The following P2RX4 variants were observed in gnomAD, a reference collection of about 807,000 sequenced individuals.
P2RX4 encodes the protein purinergic receptor P2X 4, also known as P2X purinoceptor 4.
In P2RX4, 37 loss-of-function variants were observed where a neutral mutation model predicts 48.0. That is an observed-to-expected ratio of 0.77 (90% CI 0.59 to 1.01). The LOEUF (loss-of-function observed/expected upper bound fraction) is 1.01. Among genes scored for constraint, P2RX4 ranks in the 50% least tolerant of loss-of-function variants. The pLI, the probability that P2RX4 is intolerant of heterozygous loss-of-function variation, is 0.00. For missense variants in P2RX4, 501 were observed against 521.4 expected (o/e 0.96, Z 0.38); for synonymous variants, 200 against 199.7 (o/e 1.00, Z -0.01).
chr12:121,223,002 G>T lies in P2RX4; in HGVS notation c.483G>T (p.Val161=). The T allele has an allele frequency of 6.2e-7, 1 of 1,613,718 alleles. No homozygotes were observed. The highest frequency in any genetic ancestry group is 8.5e-7 in the Non-Finnish European group (1 of 1,179,636). The change falls in exon 5 of 12, where the codon GTG becomes GTT. Residue 161 remains valine (V), a synonymous_variant. Transcript: ENST00000337233. ...ACGGGTCTGTCAAGACGTGTGAGGT[G>T]GCGGCCTGGTGCCCGGTGGAGGATG... is the stretch of plus-strand genomic sequence containing the variant. ...AFNGSVKTCE[V]AAWCPVEDDT... is the part of the protein sequence containing the mutation.
At position 121,228,621 on chromosome 12, in the gene P2RX4, G is replaced by A. The variant is rs572351698; in HGVS notation, c.605+8G>A. On this transcript the variant is annotated splice_region_variant and intron_variant, in intron 6 of 11. Transcript: ENST00000337233. ...CAAATTTAATTTCAGCAAGTAAGTG[G>A]TGGCCAGGTGTGTGAGTTCACCAGG... is the stretch of plus-strand genomic sequence containing the variant. The A allele has an allele frequency of 6.2e-7, 1 of 1,613,040 alleles. No individual in the cohort carries two copies. The highest frequency in any genetic ancestry group is 8.5e-7 in the Non-Finnish European group (1 of 1,179,420).
In P2RX4 at chr12:121,217,980, C is replaced by G. The variant is rs570325016; in HGVS notation, c.282+699C>G. Among the ~76,000 whole-genome samples, 4 of 152,272 alleles carry G rather than the reference C, an allele frequency of 2.6e-5. No homozygotes were observed. In the East Asian group the frequency reaches 7.7e-4, roughly 29 times the overall value. ...GTCCTGGTAACAGCTCTGCACCACACAGTCAAACCCGACATAGCCCTCCAG... is the reference window on the plus strand; with the variant it reads ...GTCCTGGTAACAGCTCTGCACCACAGAGTCAAACCCGACATAGCCCTCCAG... On this transcript the variant is annotated intron_variant, in intron 2 of 11. Transcript: ENST00000337233.
chr12:121,222,860 A>G, intron 4 of P2RX4, 87 bp from the exon 5 acceptor site: 1 of 1,411,416 alleles, frequency 7.1e-7, no homozygotes, highest in Non-Finnish European at 9.8e-7. Flanking sequence ...GGGAGGCTGG[A>G]TGGGGCTCTC....
intron 5 of P2RX4, among the ~76,000 whole-genome samples, chr12:121,224,833 C>T (rs952124659): frequency 4.0e-5 from 6 of 151,204 alleles, no homozygotes; most frequent in African/African-American, 1.5e-4. Flanking sequence ...TGAACCTCAT[C>T]CTGGGTGTGT....
chr12:121,210,385 G>A, intron 1 of P2RX4, 87 bp downstream of exon 1: 1 of 1,273,326 alleles, frequency 7.9e-7, no homozygotes, highest in Non-Finnish European at 1.0e-6. Flanking sequence ...CGGTCACCTG[G>A]GCGAGTCCGG....
chr12:121,233,124 G>GC (rs1175927530), intron 11 of P2RX4, 32 bp downstream of exon 11: 1 of 1,467,202 alleles, frequency 6.8e-7, no homozygotes, highest in South Asian at 1.2e-5. Flanking sequence ...GCAGGCACAG[G>GC]CCTCTCATCT....
At chr12:121,215,954 T>G (rs1471472769) in intron 1 of P2RX4, 53 of 152,158 alleles carry the variant, frequency 3.5e-4, no homozygotes, top group Admixed American at 3.5e-3. Context: ...AAAAGTTCCT[T>G]AAAGGGTAGA....
chr12:121,227,939 AAT>A, intron 5 of P2RX4, among the ~76,000 whole-genome samples: 1 of 151,500 alleles, frequency 6.6e-6, no homozygotes, highest in Non-Finnish European at 1.5e-5. Flanking sequence ...AAAAAAAAAA[AAT>A]TTCATTAGCC....
Position 121,221,942 on chromosome 12 carries a change from C to T in P2RX4, c.312C>T (p.Asn104=), listed in dbSNP as rs747450281. 25 of 1,614,100 alleles carry T rather than the reference C, an allele frequency of 1.5e-5. No individual in the cohort carries two copies. Among genetic ancestry groups the T allele is most frequent in the South Asian group, 1.1e-4 (10 of 91,086 alleles). The part of the protein sequence containing the change: ...QEENSLFVMT[N]VILTMNQTQG... ...AAAACTCCCTCTTCGTCATGACCAA[C>T]GTGATCCTCACCATGAACCAGACAC... The change falls in exon 3 of 12, where the codon AAC becomes AAT. Residue 104 remains asparagine, a synonymous_variant. Transcript: ENST00000337233.
In P2RX4 at chr12:121,228,520, C is replaced by A. The variant is rs774688884; in HGVS notation, c.525-13C>A. 6 of 1,584,736 alleles carry A rather than the reference C, an allele frequency of 3.8e-6. No homozygotes were observed. The East Asian group carries it at 1.3e-4, about 35-fold the overall frequency. ...TGTATTTTATTAACAGTAATGTTAT[C>A]ATTGTTTTTCAGACCTGCTTTTTTA... On this transcript the variant is annotated splice_polypyrimidine_tract_variant and intron_variant, in intron 5 of 11. Transcript: ENST00000337233.
Position 121,232,432 on chromosome 12 carries a change from A to T in P2RX4, c.903A>T (p.Arg301Ser). The T allele has an allele frequency of 6.2e-7, 1 of 1,613,610 alleles. No homozygotes were observed. Among genetic ancestry groups the T allele is most frequent in the South Asian group, 1.1e-5 (1 of 91,066 alleles). Residue 301 changes from arginine to serine, a missense_variant, in exon 9 of 12, where the codon AGA (arginine) becomes AGT (serine). Physicochemically the swap from Arg to Ser is moderately radical, Grantham distance 110. Around this residue, in one of 3 missense-constraint regions of P2RX4, gnomAD observed 197 missense variants for 219.5 expected, o/e 0.90. Coordinates refer to ENST00000337233, the MANE Select transcript of P2RX4 (RefSeq NM_002560.3). The surrounding 1 kb of genome is among the most constrained non-coding windows in gnomAD (Gnocchi z 4.3). ...CCCTCAGGTTTGCCAAGTACTACAG[A>T]GACCTGGCTGGCAACGAGCAGCGCA... ...GYNFRFAKYY[R>S]DLAGNEQRTL... is the part of the protein sequence containing the mutation.
At chr12:121,226,428 C>T (rs1432391898) in intron 5 of P2RX4, among the ~76,000 whole-genome samples, 1 of 151,752 alleles carries the variant, frequency 6.6e-6, no homozygotes, top group African/African-American at 2.4e-5. Flanking sequence ...CCTGTAATCC[C>T]ACTACTCAGG....
rs1312410146 is a variant in P2RX4 at position 121,213,449 on chromosome 12, A to C, written c.134+3151A>C. The C allele has an allele frequency of 5.9e-5, 9 of 152,304 alleles. No individual in the cohort carries two copies. The East Asian group carries it at 1.5e-3, about 26-fold the overall frequency. The allele number at this position is 152,304 out of a possible 1,614,324, so 9.4% of individuals were successfully genotyped here. ...CAAAAAAACAAAGAGTACCACTATC[A>C]CATGAAAACATTTTTTATTGATGAC... On this transcript the variant is annotated intron_variant, in intron 1 of 11. Coordinates refer to ENST00000337233, the MANE Select transcript of P2RX4 (RefSeq NM_002560.3).
intron 2 of P2RX4, among the ~76,000 whole-genome samples, chr12:121,221,182 G>A (rs1181930979): frequency 1.4e-5 from 2 of 139,844 alleles, no homozygotes; most frequent in South Asian, 2.3e-4. Flanking sequence ...GTGTGTGTGT[G>A]TGTGTGTGTG....
At position 121,221,982 on chromosome 12, in the gene P2RX4, G is replaced by A. The variant is rs778944606; in HGVS notation, c.352G>A (p.Glu118Lys). The change falls in exon 3 of 12, where the codon GAG becomes AAG. Residue 118 changes from glutamate to lysine, a missense_variant and splice_region_variant. This residue lies in a region of P2RX4 where 295 missense variants were observed against 275.3 expected (regional missense o/e 1.07). Transcript: ENST00000337233. ...TMNQTQGLCP[E>K]IPDATTVCKS... The stretch of plus-strand genomic sequence containing the variant: ...GAACCAGACACAGGGCCTGTGCCCC[G>A]AGGTAGGAGGCCCCCGGGAAGAGCC... The A allele has an allele frequency of 6.3e-5, 102 of 1,613,942 alleles. 1 individual carries two copies. The highest frequency in any genetic ancestry group is 4.0e-4 in the Admixed American group (24 of 60,006).
Position 121,229,106 on chromosome 12 carries a change from G to A in P2RX4, c.884+7G>A, listed in dbSNP as rs367665365. The A allele has an allele frequency of 1.9e-5, 31 of 1,614,082 alleles. No homozygotes were observed. The African/African-American group carries it at 3.2e-4, about 17-fold the overall frequency. On this transcript the variant is annotated splice_region_variant and intron_variant, in intron 8 of 11. Transcript: ENST00000337233. The surrounding 1 kb of genome is among the most constrained non-coding windows in gnomAD (Gnocchi z 4.6). The stretch of plus-strand genomic sequence containing the variant: ...CTCCTGGCTACAATTTCAGGTGGGC[G>A]TGAGCTTGGGCCCCTCGCTCATGTT...
At position 121,232,254 on chromosome 12, in the gene P2RX4, C is replaced by T; in HGVS notation, c.885-160C>T. 1 of 621,468 alleles carries T rather than the reference C, an allele frequency of 1.6e-6. No homozygotes were observed. Among genetic ancestry groups the T allele is most frequent in the Non-Finnish European group, 2.9e-6 (1 of 348,980 alleles). The allele number at this position is 621,468 out of a possible 1,614,324, so 38.5% of individuals were successfully genotyped here. Reference sequence around the variant, plus strand: ...CGTGGGCCCCGCATCCTCCTGCTTGCACAGCCCGCCTCAGCCAGGAGAGGC... The same window carrying T: ...CGTGGGCCCCGCATCCTCCTGCTTGTACAGCCCGCCTCAGCCAGGAGAGGC... On this transcript the variant is annotated intron_variant, in intron 8 of 11. Transcript: ENST00000337233. The surrounding 1 kb of genome is among the most constrained non-coding windows in gnomAD (Gnocchi z 4.3).
chr12:121,230,319 G>A (rs1018513865), intron 8 of P2RX4, among the ~76,000 whole-genome samples: 4 of 152,236 alleles, frequency 2.6e-5, no homozygotes, highest in Non-Finnish European at 5.9e-5. Flanking sequence ...GGAGGCAGAG[G>A]TTGCAGTGAG....
intron 1 of P2RX4, among the ~76,000 whole-genome samples, chr12:121,211,011 A>C (rs936897568): frequency 3.9e-5 from 6 of 152,096 alleles, no homozygotes; most frequent in Admixed American, 1.3e-4. Flanking sequence ...ACTATGTGGT[A>C]GTAGCGAGGT....
Sources: gnomAD v4.1 joint callset for allele counts (sites outside exome capture counted in the v4.1 genomes callset) on GRCh38, gnomAD v4.1.1 for gene constraint, gnomAD v4.1.1 regional missense constraint, Gnocchi (gnomAD v3.1) non-coding constraint, MANE v1.5 for transcripts, NCBI Gene and HGNC (gene_info 2026-07-23, HGNC 2026-07-21) for gene names.